Variants in SLC9C1 observed in about 807,000 individuals in gnomAD.
SLC9C1 encodes the protein sodium/hydrogen exchanger 10.
A neutral mutation model predicts 140.9 loss-of-function variants in SLC9C1; 97 were observed. The ratio of observed to expected loss-of-function variants is 0.69; its 90% CI spans 0.58 to 0.82. The LOEUF is 0.82. SLC9C1 is among the 40% of genes least tolerant of loss of function. The pLI is 0.00. For synonymous variants in SLC9C1, 440 were observed against 442.6 expected (o/e 0.99, Z 0.07); for missense variants, 1,340 against 1,389.3 (o/e 0.96, Z 0.56).
chr3:112,192,818 A>T (rs2077691344), intron 20 of SLC9C1, among the ~76,000 whole-genome samples: 1 of 152,112 alleles, frequency 6.6e-6, no homozygotes. Flanking sequence ...TGATTATTTT[A>T]AAATTTTTTT....
Position 112,169,223 on chromosome 3 carries a change from T to C in SLC9C1, c.3025A>G (p.Lys1009Glu). ...LKLGLAITAR[K>E]IREHLSYEDW... The stretch of plus-strand genomic sequence containing the variant: ...TCATAAGATAAGTGTTCTCTGATTT[T>C]TCTGGCTGTAATAGCGAGTCCAAGT... The change falls in exon 24 of 29, where the codon AAA becomes GAA. Residue 1009 changes from lysine to glutamate, a missense_variant. By Grantham distance (56) the Lys-to-Glu change is moderately conservative. Coordinates refer to ENST00000305815, the MANE Select transcript of SLC9C1 (RefSeq NM_183061.3). The C allele has an allele frequency of 6.2e-7, 1 of 1,613,348 alleles. No homozygotes were observed. The highest frequency in any genetic ancestry group is 8.5e-7 in the Non-Finnish European group (1 of 1,179,738).
At chr3:112,169,088 CTATTA>C in intron 24 of SLC9C1, 26 bp from the exon 25 acceptor site, 1 of 1,573,850 alleles carries the variant, frequency 6.4e-7, no homozygotes, top group Non-Finnish European at 8.6e-7. Context: ...CAATTTCAGT[CTATTA>C]TTAGTCTATG....
At chr3:112,289,421 A>G (rs1322452776) in intron 1 of SLC9C1, among the ~76,000 whole-genome samples, 2 of 152,178 alleles carry the variant, frequency 1.3e-5, no homozygotes, top group African/African-American at 2.4e-5. Flanking sequence ...ATTCAATAAA[A>G]CTTTACTATA....
intron 23 of SLC9C1, among the ~76,000 whole-genome samples, chr3:112,174,093 A>G (rs996498463): frequency 1.3e-5 from 2 of 152,136 alleles, no homozygotes; most frequent in African/African-American, 4.8e-5. Context: ...TCTTTAGAAA[A>G]TTGTCGGTTC....
At chr3:112,266,405 C>T (rs572066435) in intron 7 of SLC9C1, 65 bp from the exon 8 acceptor site, 27 of 1,274,684 alleles carry the variant, frequency 2.1e-5, no homozygotes, top group African/African-American at 1.7e-4. Context: ...AAATTTTACC[C>T]GAGTTAAAAG....
At chr3:112,255,422 T>TA (rs1576457897) in intron 10 of SLC9C1, among the ~76,000 whole-genome samples, 1 of 151,992 alleles carries the variant, frequency 6.6e-6, no homozygotes, top group East Asian at 1.9e-4. Flanking sequence ...AAATTAAGGC[T>TA]AAAAAACTAC....
In SLC9C1 at chr3:112,169,185, A is replaced by G; in HGVS notation, c.3051+12T>C. 1 of 1,606,342 alleles carries G rather than the reference A, an allele frequency of 6.2e-7. No homozygotes were observed. The highest frequency in any genetic ancestry group is 8.5e-7 in the Non-Finnish European group (1 of 1,177,692). ...AAAGAAAGAAAGACAAGTTTATACA[A>G]GCACTTCCTACCTCATAAGATAAGT... On this transcript the variant is annotated intron_variant, in intron 24 of 28. Coordinates refer to ENST00000305815, the MANE Select transcript of SLC9C1 (RefSeq NM_183061.3).
At chr3:112,277,031 G>T (rs1266497453) in intron 5 of SLC9C1, among the ~76,000 whole-genome samples, 1 of 152,038 alleles carries the variant, frequency 6.6e-6, no homozygotes, top group Non-Finnish European at 1.5e-5. Context: ...TGCATGGGTT[G>T]CCATATTAAT....
At chr3:112,164,158 A>T (rs1054597999) in intron 26 of SLC9C1, among the ~76,000 whole-genome samples, 1 of 151,732 alleles carries the variant, frequency 6.6e-6, no homozygotes, top group East Asian at 1.9e-4. Context: ...TTTGGAGCCT[A>T]TGTGTGTCTC....
intron 2 of SLC9C1, among the ~76,000 whole-genome samples, chr3:112,283,216 C>G (rs1360163814): frequency 6.6e-6 from 1 of 152,156 alleles, no homozygotes; most frequent in Non-Finnish European, 1.5e-5. Flanking sequence ...GGCATGGAGG[C>G]TCATGCCTGT....
intron 26 of SLC9C1, among the ~76,000 whole-genome samples, chr3:112,158,408 G>T (rs2075187694): frequency 6.6e-6 from 1 of 151,952 alleles, no homozygotes; most frequent in South Asian, 2.1e-4. Context: ...ATGTATTGTT[G>T]AATTTGGTTT....
intron 3 of SLC9C1, among the ~76,000 whole-genome samples, chr3:112,279,483 A>C (rs1375086349): frequency 1.3e-5 from 2 of 152,208 alleles, no homozygotes; most frequent in Non-Finnish European, 2.9e-5. Flanking sequence ...AATATGCAGC[A>C]GATTTTCAGG....
chr3:112,269,272 G>C (rs1025794064), intron 7 of SLC9C1, among the ~76,000 whole-genome samples: 3 of 152,008 alleles, frequency 2.0e-5, no homozygotes, highest in African/African-American at 7.2e-5. Flanking sequence ...ACCACATCTA[G>C]CTAGTTTTAA....
At chr3:112,213,947 C>A (rs901615603) in intron 15 of SLC9C1, among the ~76,000 whole-genome samples, 1 of 152,152 alleles carries the variant, frequency 6.6e-6, no homozygotes. Flanking sequence ...AAATTGACCA[C>A]ATAGTTGGAA....
chr3:112,187,538 A>G (rs1054663183), intron 20 of SLC9C1, among the ~76,000 whole-genome samples: 2 of 152,198 alleles, frequency 1.3e-5, no homozygotes, highest in African/African-American at 2.4e-5. Context: ...AGATCAAGCG[A>G]GACTGTGTCT....
chr3:112,228,447 G>C (rs1235407395), intron 13 of SLC9C1, among the ~76,000 whole-genome samples: 1 of 151,934 alleles, frequency 6.6e-6, no homozygotes, highest in African/African-American at 2.4e-5. Flanking sequence ...AAACGGAGGA[G>C]AAACACTTCA....
chr3:112,188,165 T>C (rs1488465419), intron 20 of SLC9C1, among the ~76,000 whole-genome samples: 1 of 152,214 alleles, frequency 6.6e-6, no homozygotes, highest in African/African-American at 2.4e-5. Context: ...TATCTTTGCT[T>C]ATTCTTGAAT....
intron 6 of SLC9C1, among the ~76,000 whole-genome samples, chr3:112,274,065 A>G (rs1355201023): frequency 6.6e-6 from 1 of 152,168 alleles, no homozygotes; most frequent in African/African-American, 2.4e-5. Context: ...AATTCTCAGT[A>G]ATATTATGAA....
At position 112,204,507 on chromosome 3, in the gene SLC9C1, T is replaced by C. The variant is rs533374195; in HGVS notation, c.1987-104A>G. The C allele has an allele frequency of 2.5e-6, 3 of 1,219,662 alleles. No homozygotes were observed. The South Asian group carries it at 4.7e-5, about 19-fold the overall frequency. 75.6% of individuals were successfully genotyped at this position (1,219,662 alleles called of 1,614,324 possible). A position where few individuals can be genotyped will look rare whatever the true frequency, so the allele number is the denominator to read the frequency against. On this transcript the variant is annotated intron_variant, in intron 16 of 28. Transcript: ENST00000305815. ...CATGTTAGGCTTTTCTCTTATCTAC[T>C]CCACATGTATGAAATATCCTCAGGA...
Sources: gnomAD v4.1 joint callset for allele counts (sites outside exome capture counted in the v4.1 genomes callset) on GRCh38, gnomAD v4.1.1 for gene constraint, MANE v1.5 for transcripts, NCBI Gene and HGNC (gene_info 2026-07-23, HGNC 2026-07-21) for gene names.